Variants in GNG4 observed in about 807,000 individuals in gnomAD.
GNG4 encodes the protein G protein subunit gamma 4.
Under a neutral mutation model 5.8 loss-of-function variants are expected in GNG4, and 4 were observed. That is an observed-to-expected ratio of 0.69 (90% confidence interval 0.34 to 1.57). The LOEUF is 1.57. Ranked by LOEUF, GNG4 falls within the 40% of genes most tolerant of loss-of-function variation. GNG4 has a pLI of 0.06. For missense variants in GNG4, 96 were observed against 95.1 expected (o/e 1.01, Z -0.04); for synonymous variants, 29 against 32.9 (o/e 0.88, Z 0.41).
At chr1:235,587,623 ATGTGGGGTGGAG>A (rs1687837922) in intron 2 of GNG4, among the ~76,000 whole-genome samples, 1 of 644 alleles carries the variant, frequency 1.6e-3, no homozygotes, top group African/African-American at 7.0e-3. Flanking sequence ...GGGTGTGTGA[ATGTGGGGTGGAG>A]TGTGAGTGTG....
At chr1:235,590,281 C>T (rs546071923) in intron 2 of GNG4, among the ~76,000 whole-genome samples, 121 of 152,134 alleles carry the variant, frequency 8.0e-4, no homozygotes, top group Non-Finnish European at 1.6e-3. Context: ...ATGGTGAAAT[C>T]CCCTCTTTAC....
chr1:235,599,094 A>T (rs1688192067), intron 1 of GNG4, among the ~76,000 whole-genome samples: 1 of 152,144 alleles, frequency 6.6e-6, no homozygotes, highest in Admixed American at 6.5e-5. Flanking sequence ...TAGCTGGAGC[A>T]TCCCACACTT....
At chr1:235,576,316 C>A (rs1687483752) in intron 3 of GNG4, among the ~76,000 whole-genome samples, 1 of 152,030 alleles carries the variant, frequency 6.6e-6, no homozygotes, top group Non-Finnish European at 1.5e-5. Context: ...CCTGCCTCTG[C>A]CTCCTAAAGT....
chr1:235,554,442 A>G (rs1013002005), intron 3 of GNG4, among the ~76,000 whole-genome samples: 2 of 152,174 alleles, frequency 1.3e-5, no homozygotes, highest in Non-Finnish European at 2.9e-5. Context: ...AGCACACACA[A>G]GGGCTGCAGT....
At chr1:235,638,555 A>T (rs10754710) in intron 1 of GNG4, among the ~76,000 whole-genome samples, 2 of 151,334 alleles carry the variant, frequency 1.3e-5, no homozygotes, top group Non-Finnish European at 2.9e-5. Flanking sequence ...TGTTACATAG[A>T]TATACGTGTG....
intron 3 of GNG4, among the ~76,000 whole-genome samples, chr1:235,561,345 CATT>C (rs1164470847): frequency 6.6e-6 from 1 of 151,876 alleles, no homozygotes; most frequent in African/African-American, 2.4e-5. Context: ...GTTGTTTTCT[CATT>C]GTTGTGTTTT....
chr1:235,631,277 C>T (rs148343696), intron 1 of GNG4, among the ~76,000 whole-genome samples: 42 of 152,318 alleles, frequency 2.8e-4, no homozygotes, highest in Middle Eastern at 3.4e-3. Context: ...TTACCCCTCA[C>T]GCCCCCTCAG....
chr1:235,566,217 T>A (rs1211831745), intron 3 of GNG4: 1 of 152,384 alleles, frequency 6.6e-6, no homozygotes, highest in East Asian at 1.9e-4. Flanking sequence ...AACAGGGGTC[T>A]CCAACCCCCT....
At chr1:235,604,905 A>T (rs1024365308) in intron 1 of GNG4, among the ~76,000 whole-genome samples, 2 of 152,168 alleles carry the variant, frequency 1.3e-5, no homozygotes, top group African/African-American at 4.8e-5. Context: ...CCTCTCTGAC[A>T]ATTGTATGGC....
At chr1:235,592,531 T>A in intron 2 of GNG4, among the ~76,000 whole-genome samples, 1 of 151,990 alleles carries the variant, frequency 6.6e-6, no homozygotes, top group East Asian at 1.9e-4. Flanking sequence ...ATAAATTTCT[T>A]CCTGAGGGTC....
At chr1:235,643,027 T>C (rs984501495) in intron 1 of GNG4, among the ~76,000 whole-genome samples, 2 of 152,186 alleles carry the variant, frequency 1.3e-5, no homozygotes, top group African/African-American at 2.4e-5. Context: ...CCACCCCGAC[T>C]GACGCTGGGG....
At chr1:235,600,632 C>A (rs182709163) in intron 1 of GNG4, among the ~76,000 whole-genome samples, 68 of 151,238 alleles carry the variant, frequency 4.5e-4, no homozygotes, top group African/African-American at 1.6e-3. Context: ...CTGTATTGCC[C>A]AGGCCGGTTT....
Position 235,549,527 on chromosome 1 carries a change from A to T in GNG4, c.*2582T>A, listed in dbSNP as rs1194894827. ...GCCTTTATGACTTGTGCTTCGCTTCATCGGGTTAATGATGTTGACGTGAAG... is the reference window on the plus strand; with the variant it reads ...GCCTTTATGACTTGTGCTTCGCTTCTTCGGGTTAATGATGTTGACGTGAAG... On this transcript the variant is annotated 3_prime_UTR_variant, in exon 4 of 4. Coordinates refer to ENST00000391854, the MANE Select transcript of GNG4 (RefSeq NM_001098722.2). The T allele has an allele frequency of 6.6e-6, 1 of 152,140 alleles. No homozygotes were observed. Among genetic ancestry groups the T allele is most frequent in the Non-Finnish European group, 1.5e-5 (1 of 68,042 alleles). 9.4% of individuals were successfully genotyped at this position (152,140 alleles called of 1,614,324 possible).
At chr1:235,632,813 A>G (rs1688960757) in intron 1 of GNG4, among the ~76,000 whole-genome samples, 1 of 152,246 alleles carries the variant, frequency 6.6e-6, no homozygotes, top group Non-Finnish European at 1.5e-5. Flanking sequence ...CGATTCTGAA[A>G]AAACAAAAGC....
chr1:235,615,234 G>C (rs1688564336), intron 1 of GNG4: 1 of 152,286 alleles, frequency 6.6e-6, no homozygotes, highest in African/African-American at 2.4e-5. Context: ...GAGCAGAAGA[G>C]TCAGTGTCAG....
At chr1:235,599,844 C>G (rs1054299124) in intron 1 of GNG4, among the ~76,000 whole-genome samples, 3 of 152,134 alleles carry the variant, frequency 2.0e-5, no homozygotes, top group Admixed American at 6.6e-5. Context: ...AGATAACTTA[C>G]TAACTCTAGA....
intron 1 of GNG4, among the ~76,000 whole-genome samples, chr1:235,633,207 T>A (rs1688968892): frequency 6.6e-6 from 1 of 152,206 alleles, no homozygotes; most frequent in South Asian, 2.1e-4. Context: ...TGCTGGTCCC[T>A]GCGATATGGT....
At chr1:235,591,499 T>C (rs970503732) in intron 2 of GNG4, among the ~76,000 whole-genome samples, 1 of 152,218 alleles carries the variant, frequency 6.6e-6, no homozygotes, top group South Asian at 2.1e-4. Context: ...TTCCCCTACC[T>C]GGCCAGGTAC....
chr1:235,550,412 G>A lies in GNG4; in HGVS notation c.*1697C>T, dbSNP rs1428922892. 1 of 152,332 alleles carries A rather than the reference G, an allele frequency of 6.6e-6. No homozygotes were observed. Among genetic ancestry groups the A allele is most frequent in the Non-Finnish European group, 1.5e-5 (1 of 68,162 alleles). The allele number at this position is 152,332 out of a possible 1,614,324, so 9.4% of individuals were successfully genotyped here. ...GTTCAGGGGGCTAAGGGAACTCTGGGGCCGGGCTGCCTGCCCTCAAATCCC... is the reference window on the plus strand; with the variant it reads ...GTTCAGGGGGCTAAGGGAACTCTGGAGCCGGGCTGCCTGCCCTCAAATCCC... On this transcript the variant is annotated 3_prime_UTR_variant, in exon 4 of 4. Coordinates refer to ENST00000391854, the MANE Select transcript of GNG4 (RefSeq NM_001098722.2).
Sources: gnomAD v4.1 joint callset for allele counts (sites outside exome capture counted in the v4.1 genomes callset) on GRCh38, gnomAD v4.1.1 for gene constraint, MANE v1.5 for transcripts, NCBI Gene and HGNC (gene_info 2026-07-23, HGNC 2026-07-21) for gene names.